The following PTPRE variants were observed in gnomAD, a reference collection of about 807,000 sequenced individuals.
PTPRE encodes the protein receptor-type tyrosine-protein phosphatase epsilon.
In PTPRE, 51 loss-of-function variants were observed where a neutral mutation model predicts 102.0. The observed-to-expected ratio is 0.50, with a 90% CI of 0.40 to 0.63. PTPRE has a LOEUF of 0.63. Ranked by LOEUF, PTPRE falls within the 30% of genes least tolerant of loss-of-function variation. The pLI, the probability that PTPRE is intolerant of heterozygous loss-of-function variation, is 0.00. For missense variants in PTPRE, 752 were observed against 915.1 expected (o/e 0.82, Z 2.30); for synonymous variants, 345 against 348.2 (o/e 0.99, Z 0.10).
intron 2 of PTPRE, chr10:127,999,394 C>G (rs1401381884): frequency 3.6e-6 from 1 of 275,558 alleles, no homozygotes; most frequent in Non-Finnish European, 5.5e-6. Context: ...TATTTTAGAA[C>G]TAAATGTGAA....
At chr10:128,046,902 G>T (rs1355651868) in intron 3 of PTPRE, among the ~76,000 whole-genome samples, 1 of 152,238 alleles carries the variant, frequency 6.6e-6, no homozygotes, top group Non-Finnish European at 1.5e-5. Context: ...GGCTCTGAAA[G>T]GTGGGGTCAC....
chr10:128,057,009 A>C (rs1849035202), intron 7 of PTPRE, among the ~76,000 whole-genome samples: 1 of 152,046 alleles, frequency 6.6e-6, no homozygotes, highest in South Asian at 2.1e-4. Context: ...TGAAGTCAGG[A>C]GTTCAAGACC....
At chr10:128,071,112 A>G (rs771454395) in intron 15 of PTPRE, 92 of 579,736 alleles carry the variant, frequency 1.6e-4, no homozygotes, top group Non-Finnish European at 3.1e-5. Context: ...ACAGTCCTGC[A>G]TGGGTCTCAG....
intron 2 of PTPRE, among the ~76,000 whole-genome samples, chr10:128,022,807 C>T (rs377586025): frequency 1.3e-5 from 2 of 152,180 alleles, no homozygotes; most frequent in Admixed American, 6.5e-5. Flanking sequence ...GATGCCAGAG[C>T]GGAGTCCTGT....
Position 128,040,906 on chromosome 10 carries a change from C to T in PTPRE, c.25C>T (p.Leu9=). 1.2e-6 allele frequency: 2 copies of T among 1,614,082 alleles called. No homozygotes were observed. The highest frequency in any genetic ancestry group is 1.7e-6 in the Non-Finnish European group (2 of 1,179,986). MEPLCPLL[L]VGFSLPLARA... is the part of the protein sequence containing the mutation. Reference sequence around the variant, plus strand: ...CATGGAGCCCTTGTGTCCACTCCTGCTGGTGGGTTTTAGCTTGCCGCTCGC... The same window carrying T: ...CATGGAGCCCTTGTGTCCACTCCTGTTGGTGGGTTTTAGCTTGCCGCTCGC... Residue 9 remains leucine, a synonymous_variant, in exon 3 of 21, where the codon CTG becomes TTG. Transcript: ENST00000254667.
At chr10:127,943,195 C>G (rs12414312) in intron 1 of PTPRE, among the ~76,000 whole-genome samples, 1 of 152,064 alleles carries the variant, frequency 6.6e-6, no homozygotes, top group Non-Finnish European at 1.5e-5. Flanking sequence ...GTGCTCTTGT[C>G]GATAGCAACT....
chr10:127,957,102 T>C (rs1299342232), intron 1 of PTPRE, among the ~76,000 whole-genome samples: 2 of 152,248 alleles, frequency 1.3e-5, no homozygotes, highest in Non-Finnish European at 2.9e-5. Context: ...ATCAATTCTT[T>C]CTTTTATGGG....
rs2136042790 is a variant in PTPRE at position 128,073,221 on chromosome 10, A to G, written c.1465-116A>G. ...TGCCAACTGGGGTCTGGTGCAGACC[A>G]TGGAGGATGAGAGAGTTTTCCTCAT... On this transcript the variant is annotated intron_variant, in intron 16 of 20. Transcript: ENST00000254667. The G allele has an allele frequency of 4.2e-6, 6 of 1,428,692 alleles. No homozygotes were observed. The South Asian group carries it at 5.4e-5, about 13-fold the overall frequency. The allele number at this position is 1,428,692 out of a possible 1,614,324, so 88.5% of individuals were successfully genotyped here. A position where few individuals can be genotyped will look rare whatever the true frequency, so the allele number is the denominator to read the frequency against.
chr10:127,993,963 G>A (rs569068461), intron 2 of PTPRE, among the ~76,000 whole-genome samples: 13 of 152,276 alleles, frequency 8.5e-5, no homozygotes, highest in Middle Eastern at 3.4e-3. Flanking sequence ...AGAACCCAGC[G>A]GGATGGAGCA....
At chr10:127,962,453 C>T (rs776506820) in intron 1 of PTPRE, among the ~76,000 whole-genome samples, 7 of 152,206 alleles carry the variant, frequency 4.6e-5, no homozygotes, top group East Asian at 1.9e-4. Flanking sequence ...TCTGTGCACC[C>T]GCAGCTGCTC....
At chr10:128,049,010 G>A (rs1378194334) in intron 5 of PTPRE, among the ~76,000 whole-genome samples, 1 of 152,122 alleles carries the variant, frequency 6.6e-6, no homozygotes. Flanking sequence ...AATGCCCCTT[G>A]TCACCCTCCC....
chr10:127,966,550 C>T (rs951778617), intron 1 of PTPRE, among the ~76,000 whole-genome samples: 2 of 152,152 alleles, frequency 1.3e-5, no homozygotes, highest in African/African-American at 4.8e-5. Context: ...CAGCCACCTA[C>T]TTAGCCAGGG....
In PTPRE at chr10:128,037,525, A is replaced by G. The variant is rs564012335; in HGVS notation, c.-7-3350A>G. On this transcript the variant is annotated intron_variant, in intron 2 of 20. Transcript: ENST00000254667. ...GCTACTTTAGGGCTGAAACAAGACT[A>G]TATTCTTTGCATCTCTGGGGCTTAC... Among the ~76,000 whole-genome samples the G allele has an allele frequency of 2.0e-5, 3 of 152,254 alleles. 1 individual carries two copies. The highest frequency in any genetic ancestry group is 2.1e-4 in the South Asian group (1 of 4,822).
chr10:127,980,379 C>T (rs1851514524), intron 1 of PTPRE, among the ~76,000 whole-genome samples: 1 of 150,806 alleles, frequency 6.6e-6, no homozygotes, highest in Admixed American at 6.6e-5. Context: ...ACCTTGTGAC[C>T]TTAACTCATA....
intron 2 of PTPRE, among the ~76,000 whole-genome samples, chr10:128,030,266 C>CTGA (rs1206852015): frequency 6.6e-6 from 1 of 152,218 alleles, no homozygotes; most frequent in Admixed American, 6.5e-5. Context: ...CAGCCCTTGC[C>CTGA]TGATGAGTTA....
At chr10:128,048,716 G>A (rs894940201) in intron 5 of PTPRE, among the ~76,000 whole-genome samples, 2 of 152,140 alleles carry the variant, frequency 1.3e-5, no homozygotes, top group African/African-American at 4.8e-5. Flanking sequence ...AGGAGGGTGC[G>A]GCTAGTGAGT....
intron 2 of PTPRE, among the ~76,000 whole-genome samples, chr10:127,996,712 TGGCTGGATCCA>T (rs1853304923): frequency 6.6e-6 from 1 of 152,184 alleles, no homozygotes; most frequent in Admixed American, 6.5e-5. Flanking sequence ...GGTGCACCAA[TGGCTGGATCCA>T]GGCACACGCA....
At chr10:128,072,758 T>C (rs1196303559) in intron 16 of PTPRE, 1 of 152,168 alleles carries the variant, frequency 6.6e-6, no homozygotes, top group Non-Finnish European at 1.5e-5. Context: ...TTTTAATATA[T>C]AGTTATTTTT....
intron 2 of PTPRE, among the ~76,000 whole-genome samples, chr10:127,983,381 T>G (rs1189951327): frequency 6.6e-6 from 1 of 152,228 alleles, no homozygotes; most frequent in Non-Finnish European, 1.5e-5. Flanking sequence ...AAGACGTTGT[T>G]GATTCTGAAT....
Sources: gnomAD v4.1 joint callset for allele counts (sites outside exome capture counted in the v4.1 genomes callset) on GRCh38, gnomAD v4.1.1 for gene constraint, MANE v1.5 for transcripts, NCBI Gene and HGNC (gene_info 2026-07-23, HGNC 2026-07-21) for gene names.